ERAP2: variants seen among roughly 807,000 people sequenced by gnomAD.
ERAP2 encodes the protein endoplasmic reticulum aminopeptidase 2.
In ERAP2, 118 loss-of-function variants were observed where a neutral mutation model predicts 111.1. That is an observed-to-expected ratio of 1.06 (90% CI 0.92 to 1.24). ERAP2 has a LOEUF of 1.24. Among genes scored for constraint, ERAP2 ranks in the 50% most tolerant of loss-of-function variants. ERAP2 has a pLI of 0.00. For synonymous variants in ERAP2, 410 were observed against 401.2 expected (o/e 1.02, Z -0.26); for missense variants, 1,131 against 1,125.8 (o/e 1.00, Z -0.07).
chr5:96,882,291 C>T (rs1161205207), intron 2 of ERAP2, among the ~76,000 whole-genome samples: 1 of 152,104 alleles, frequency 6.6e-6, no homozygotes, highest in Non-Finnish European at 1.5e-5. Flanking sequence ...CTTAGGGATA[C>T]TATTCTGGGA....
chr5:96,880,321 C>T, intron 2 of ERAP2, 61 bp downstream of exon 2: 1 of 1,432,150 alleles, frequency 7.0e-7, no homozygotes, highest in Non-Finnish European at 9.5e-7. Flanking sequence ...AGTTACATCT[C>T]TTTGCCAGGA....
At chr5:96,896,955 G>T (rs1222995310) in intron 9 of ERAP2, 92 bp downstream of exon 9, 4 of 1,097,294 alleles carry the variant, frequency 3.6e-6, no homozygotes, top group Non-Finnish European at 5.0e-6. Flanking sequence ...TATATTGTCA[G>T]TCAACCATAT....
At position 96,891,535 on chromosome 5, in the gene ERAP2, T is replaced by TATACAC. The variant is rs1409460770; in HGVS notation, c.971-763_971-762insTACACA. 2.9e-5 allele frequency among the ~76,000 whole-genome samples: 4 copies of TATACAC among 138,934 alleles called. No individual in the cohort carries two copies. The South Asian group carries it at 6.9e-4, about 24-fold the overall frequency. The allele number at this position is 138,934 out of a possible 152,430, so 91.1% of individuals were successfully genotyped here. On this transcript the variant is annotated intron_variant, in intron 5 of 18. Coordinates refer to ENST00000437043, the MANE Select transcript of ERAP2 (RefSeq NM_022350.5). The stretch of plus-strand genomic sequence containing the variant: ...TATATATGCCCATATACGGTATATA[T>TATACAC]ACACACACACACACACACACACACA...
chr5:96,887,163 AT>A (rs1378978738), intron 4 of ERAP2, among the ~76,000 whole-genome samples: 1 of 150,424 alleles, frequency 6.6e-6, no homozygotes, highest in Non-Finnish European at 1.5e-5. Flanking sequence ...TATATTGACT[AT>A]TTTTAACCCA....
At position 96,918,357 on chromosome 5, in the gene ERAP2, G is replaced by C. The variant is rs987777259; in HGVS notation, c.*752G>C. On this transcript the variant is annotated 3_prime_UTR_variant, in exon 19 of 19. Transcript: ENST00000437043. The stretch of plus-strand genomic sequence containing the variant: ...TTACGTCCAAGGAAAATTAGCCAAT[G>C]CATAAAATATACAAACTATGAAAGG... 1 of 152,144 alleles carries C rather than the reference G, an allele frequency of 6.6e-6. No homozygotes were observed. The highest frequency in any genetic ancestry group is 2.1e-4 in the South Asian group (1 of 4,830). 9.4% of individuals were successfully genotyped at this position (152,144 alleles called of 1,614,324 possible).
chr5:96,897,393 C>A (rs1026818984), intron 9 of ERAP2, among the ~76,000 whole-genome samples: 9 of 152,202 alleles, frequency 5.9e-5, no homozygotes, highest in African/African-American at 2.2e-4. Context: ...TTCACCTCCT[C>A]CTTACAGACT....
In ERAP2 at chr5:96,909,716, A is replaced by T; in HGVS notation, c.2306A>T (p.Lys769Ile). The T allele has an allele frequency of 6.2e-7, 1 of 1,614,168 alleles. No homozygotes were observed. The highest frequency in any genetic ancestry group is 1.1e-5 in the South Asian group (1 of 91,084). ...CDLNHAPCIQ[K>I]AAELFSQWME... ...CTGAACCATGCTCCTTGCATCCAGAAAGCTGCTGAACTCTTCTCCCAGTGG... is the reference window on the plus strand; with the variant it reads ...CTGAACCATGCTCCTTGCATCCAGATAGCTGCTGAACTCTTCTCCCAGTGG... The change falls in exon 15 of 19, where the codon AAA becomes ATA. Residue 769 changes from lysine to isoleucine, a missense_variant. Coordinates refer to ENST00000437043, the MANE Select transcript of ERAP2 (RefSeq NM_022350.5).
rs554604587 is a variant in ERAP2, at chr5:96,887,301, G to A, written c.849+512G>A. 6.3e-5 allele frequency among the ~76,000 whole-genome samples: 8 copies of A among 127,934 alleles called. No homozygotes were observed. The South Asian group carries it at 8.2e-4, about 13-fold the overall frequency. The allele number at this position is 127,934 out of a possible 152,430, so 83.9% of individuals were successfully genotyped here. On this transcript the variant is annotated intron_variant, in intron 4 of 18. Coordinates refer to ENST00000437043, the MANE Select transcript of ERAP2 (RefSeq NM_022350.5). ...ATTTTTGGGCATGTATGTTGTTTCCGACTTTTTTTTTTTTTTTGAGACAGA... is the reference window on the plus strand; with the variant it reads ...ATTTTTGGGCATGTATGTTGTTTCCAACTTTTTTTTTTTTTTTGAGACAGA...
chr5:96,914,631 AC>A (rs1787175614), intron 17 of ERAP2, among the ~76,000 whole-genome samples: 1 of 152,194 alleles, frequency 6.6e-6, no homozygotes, highest in Non-Finnish European at 1.5e-5. Context: ...TAGACTTGGA[AC>A]CATATTTTTT....
intron 6 of ERAP2, among the ~76,000 whole-genome samples, chr5:96,894,294 T>A (rs1369266083): frequency 6.6e-6 from 1 of 152,212 alleles, no homozygotes; most frequent in African/African-American, 2.4e-5. Flanking sequence ...AGGAAACACC[T>A]CTCCCTTTCC....
rs926156862 is a variant in ERAP2, at chr5:96,895,384, T to C, written c.1239+25T>C. On this transcript the variant is annotated intron_variant, in intron 7 of 18. Coordinates refer to ENST00000437043, the MANE Select transcript of ERAP2 (RefSeq NM_022350.5). ...TGTAAGTTCACAATTCTGTGTATCATACTATATGGTGTAAAGAATCATCAA... is the reference window on the plus strand; with the variant it reads ...TGTAAGTTCACAATTCTGTGTATCACACTATATGGTGTAAAGAATCATCAA... 6.5e-6 allele frequency: 9 copies of C among 1,391,320 alleles called. No homozygotes were observed. The African/African-American group carries it at 1.0e-4, about 15-fold the overall frequency. 86.2% of individuals were successfully genotyped at this position (1,391,320 alleles called of 1,614,324 possible). A position where few individuals can be genotyped will look rare whatever the true frequency, so the allele number is the denominator to read the frequency against.
chr5:96,886,557 G>A (rs1783740191), intron 3 of ERAP2, 98 bp from the exon 4 acceptor site: 1 of 1,076,852 alleles, frequency 9.3e-7, no homozygotes. Context: ...GTCCTTCAGA[G>A]TATGAGGCTT....
intron 6 of ERAP2, among the ~76,000 whole-genome samples, chr5:96,893,596 T>G (rs1581837611): frequency 6.6e-6 from 1 of 152,328 alleles, no homozygotes; most frequent in East Asian, 1.9e-4. Flanking sequence ...CTCTGTGAGC[T>G]CTACCTCTGA....
At position 96,918,886 on chromosome 5, in the gene ERAP2, C is replaced by T. The variant is rs1043244703; in HGVS notation, c.*1281C>T. 2.0e-5 allele frequency: 3 copies of T among 152,176 alleles called. No homozygotes were observed. Among genetic ancestry groups the T allele is most frequent in the African/African-American group, 7.2e-5 (3 of 41,444 alleles). The allele number at this position is 152,176 out of a possible 1,614,324, so 9.4% of individuals were successfully genotyped here. A position where few individuals can be genotyped will look rare whatever the true frequency, so the allele number is the denominator to read the frequency against. ...TTTCTTCATATTTTAAGGAAACCCC[C>T]CACCTCCTTCTTTTAAGGGCGCTTC... On this transcript the variant is annotated 3_prime_UTR_variant, in exon 19 of 19. Coordinates refer to ENST00000437043, the MANE Select transcript of ERAP2 (RefSeq NM_022350.5).
chr5:96,909,237 CTGAT>C (rs1162224805), intron 14 of ERAP2, 120 bp downstream of exon 14: 1 of 893,394 alleles, frequency 1.1e-6, no homozygotes, highest in Non-Finnish European at 1.7e-6. Flanking sequence ...GGGGGACTGA[CTGAT>C]AGCATGTAAT....
chr5:96,895,122 G>C, intron 6 of ERAP2, 124 bp from the exon 7 acceptor site: 1 of 598,126 alleles, frequency 1.7e-6, no homozygotes. Context: ...GAGAGAAAAG[G>C]GTAGCAAAGA....
In ERAP2 at chr5:96,895,303, T is replaced by A. The variant is rs1387044218; in HGVS notation, c.1183T>A (p.Phe395Ile). ...GAATGATATTTGGCTTAAGGAGGGT[T>A]TTGCAAAATACATGGAACTTATCGC... is the stretch of plus-strand genomic sequence containing the variant. ...WWNDIWLKEGFAKYMELIAVN... is the reference protein window; with the variant it reads ...WWNDIWLKEGIAKYMELIAVN... The change falls in exon 7 of 19, where the codon TTT becomes ATT. Residue 395 changes from phenylalanine (F) to isoleucine (I), a missense_variant. Around this residue, in one of 3 missense-constraint regions of ERAP2, gnomAD observed 847 missense variants for 856.5 expected, o/e 0.99. Coordinates refer to ENST00000437043, the MANE Select transcript of ERAP2 (RefSeq NM_022350.5). 1 of 1,613,054 alleles carries A rather than the reference T, an allele frequency of 6.2e-7. No homozygotes were observed. The highest frequency in any genetic ancestry group is 1.7e-5 in the Admixed American group (1 of 59,850).
intron 9 of ERAP2, 103 bp from the exon 10 acceptor site, chr5:96,900,018 T>C: frequency 7.5e-7 from 1 of 1,335,250 alleles, no homozygotes; most frequent in Non-Finnish European, 1.0e-6. Context: ...GATGAATTAT[T>C]TCATATAGCT....
At chr5:96,893,720 C>T (rs550355346) in intron 6 of ERAP2, among the ~76,000 whole-genome samples, 2 of 152,236 alleles carry the variant, frequency 1.3e-5, no homozygotes, top group Admixed American at 1.3e-4. Context: ...TTTGTCTTCC[C>T]ATTGATTACC....
Sources: allele counts gnomAD v4.1 joint callset (sites outside exome capture counted in the v4.1 genomes callset), GRCh38; gene constraint gnomAD v4.1.1; regional missense constraint gnomAD v4.1.1; transcripts MANE v1.5; gene names NCBI Gene and HGNC (gene_info 2026-07-23, HGNC 2026-07-21).